The following GDF1 variants were observed in gnomAD, a reference collection of about 807,000 sequenced individuals.
The protein encoded by GDF1 is embryonic growth/differentiation factor 1.
A neutral mutation model predicts 7.4 loss-of-function variants in GDF1; 8 were observed. The ratio of observed to expected loss-of-function variants is 1.09; its 90% CI spans 0.64 to 1.96. The LOEUF (loss-of-function observed/expected upper bound fraction) is 1.96. Ranked by LOEUF, GDF1 falls within the 30% of genes most tolerant of loss-of-function variation. The pLI is 0.00. For synonymous variants in GDF1, 311 were observed against 276.7 expected (o/e 1.12, Z -1.23); for missense variants, 574 against 551.5 (o/e 1.04, Z -0.41).
In GDF1 at chr19:18,880,263, C is replaced by A; in HGVS notation, c.-571+11G>T. 6.5e-7 allele frequency: 1 copy of A among 1,545,784 alleles called. No individual in the cohort carries two copies. Among genetic ancestry groups the A allele is most frequent in the South Asian group, 1.2e-5 (1 of 83,398 alleles). On this transcript the variant is annotated intron_variant, in intron 4 of 7. Coordinates refer to ENST00000247005, the MANE Select transcript of GDF1 (RefSeq NM_001492.6). ...CACCTCCCTCCCTGCCCAGCACTCC[C>A]TACCACTCACCAGCTGAAGCCGAAG...
Position 18,869,139 on chromosome 19 carries a change from G to T in GDF1, c.577C>A (p.Pro193Thr). Residue 193 changes from proline (P) to threonine (T), a missense_variant, in exon 8 of 8, where the codon CCA becomes ACA. Pro to Thr is a conservative substitution (Grantham distance 38). Transcript: ENST00000247005. ...LRQLVPALGP[P>T]VRAELLGAAW... ...GCGCCCAGCAGCTCCGCGCGCACTGGCGGCCCCAGGGCGGGCACCAACTGG... is the reference window on the plus strand; with the variant it reads ...GCGCCCAGCAGCTCCGCGCGCACTGTCGGCCCCAGGGCGGGCACCAACTGG... The T allele has an allele frequency of 9.0e-7, 1 of 1,108,520 alleles. No individual in the cohort carries two copies. Among genetic ancestry groups the T allele is most frequent in the South Asian group, 3.3e-5 (1 of 30,686 alleles). The allele number at this position is 1,108,520 out of a possible 1,614,324, so 68.7% of individuals were successfully genotyped here. A position where few individuals can be genotyped will look rare whatever the true frequency, so the allele number is the denominator to read the frequency against.
intron 7 of GDF1, 133 bp downstream of exon 7, chr19:18,869,850 C>T (rs2055932236): frequency 4.7e-6 from 4 of 846,606 alleles, no homozygotes; most frequent in Admixed American, 2.1e-5. Context: ...GTGCGGTGGC[C>T]GAAGTTGCTA....
Position 18,880,234 on chromosome 19 carries a change from G to A in GDF1, c.-571+40C>T, listed in dbSNP as rs773188469. ...TTTCTGGACACACCCACCTCACCAG[G>A]CCACACCTCCCTCCCTGCCCAGCAC... On this transcript the variant is annotated intron_variant, in intron 4 of 7. Transcript: ENST00000247005. 14 of 1,512,858 alleles carry A rather than the reference G, an allele frequency of 9.3e-6. No individual in the cohort carries two copies. In the East Asian group the frequency reaches 2.2e-4, roughly 24 times the overall value. 93.7% of individuals were successfully genotyped at this position (1,512,858 alleles called of 1,614,324 possible). A position where few individuals can be genotyped will look rare whatever the true frequency, so the allele number is the denominator to read the frequency against.
At chr19:18,889,455 C>T (rs916604077) in intron 2 of GDF1, among the ~76,000 whole-genome samples, 2 of 152,056 alleles carry the variant, frequency 1.3e-5, no homozygotes, top group Non-Finnish European at 2.9e-5. Flanking sequence ...CTCACTCTGT[C>T]AACCTGGCTG....
intron 6 of GDF1, chr19:18,877,900 A>T: frequency 1.1e-6 from 1 of 931,870 alleles, no homozygotes; most frequent in African/African-American, 1.8e-5. Flanking sequence ...TACCAGCTCG[A>T]GCCAAAAGTC....
In GDF1 at chr19:18,878,762, G is replaced by A. The variant is rs1415446344; in HGVS notation, c.-313+168C>T. The A allele has an allele frequency of 6.3e-6, 9 of 1,437,624 alleles. No individual in the cohort carries two copies. Among genetic ancestry groups the A allele is most frequent in the Non-Finnish European group, 8.2e-6 (9 of 1,094,446 alleles). The allele number at this position is 1,437,624 out of a possible 1,614,324, so 89.1% of individuals were successfully genotyped here. On this transcript the variant is annotated intron_variant, in intron 6 of 7. Coordinates refer to ENST00000247005, the MANE Select transcript of GDF1 (RefSeq NM_001492.6). This position sits in a 1 kb window ranked among gnomAD's most constrained non-coding sequence, Gnocchi z 4.6. ...TCACTGTCCTGTCCTTCAGGGTACT[G>A]GCCACATCGTCCACGCCTTTATTGC... is the stretch of plus-strand genomic sequence containing the variant.
Position 18,869,930 on chromosome 19 carries a change from C to T in GDF1, c.325+53G>A, listed in dbSNP as rs1031934941. 36 of 1,517,982 alleles carry T rather than the reference C, an allele frequency of 2.4e-5. No individual in the cohort carries two copies. The African/African-American group carries it at 4.5e-4, about 19-fold the overall frequency. The allele number at this position is 1,517,982 out of a possible 1,614,324, so 94.0% of individuals were successfully genotyped here. A position where few individuals can be genotyped will look rare whatever the true frequency, so the allele number is the denominator to read the frequency against. On this transcript the variant is annotated intron_variant, in intron 7 of 7. Coordinates refer to ENST00000247005, the MANE Select transcript of GDF1 (RefSeq NM_001492.6). ...ATCCCCGGGCCACTCTCGAGGCTCG[C>T]CCTGCGAGGTCTGGCCTCCAGGACC... is the stretch of plus-strand genomic sequence containing the variant.
intron 1 of GDF1, among the ~76,000 whole-genome samples, chr19:18,894,578 G>A (rs2056579011): frequency 6.6e-6 from 1 of 152,130 alleles, no homozygotes; most frequent in Admixed American, 6.5e-5. Flanking sequence ...GTCCCGCAGG[G>A]GTGGGGGACG....
chr19:18,869,260 C>G lies in GDF1; in HGVS notation c.456G>C (p.Ala152=), dbSNP rs1181831989. The G allele has an allele frequency of 2.7e-6, 4 of 1,458,032 alleles. No homozygotes were observed. Among genetic ancestry groups the G allele is most frequent in the Middle Eastern group, 2.4e-4 (1 of 4,112 alleles). The allele number at this position is 1,458,032 out of a possible 1,614,324, so 90.3% of individuals were successfully genotyped here. ...PSRARLELRF[A]AAAAAAPEGG... is the part of the protein sequence containing the mutation. ...CCTCCGGGGCTGCCGCCGCCGCCGC[C>G]GCGAAACGCAGCTCCAGGCGGGCCC... Residue 152 remains alanine (A), a synonymous_variant, in exon 8 of 8, where the codon GCG becomes GCC. Coordinates refer to ENST00000247005, the MANE Select transcript of GDF1 (RefSeq NM_001492.6).
At chr19:18,875,783 A>G (rs2056050292) in intron 6 of GDF1, among the ~76,000 whole-genome samples, 1 of 152,162 alleles carries the variant, frequency 6.6e-6, no homozygotes, top group Admixed American at 6.6e-5. Flanking sequence ...GAGAAGAGAG[A>G]CAGAAAAGAA....
At chr19:18,886,287 C>T (rs370192977) in intron 2 of GDF1, among the ~76,000 whole-genome samples, 16 of 152,004 alleles carry the variant, frequency 1.1e-4, no homozygotes, top group African/African-American at 2.7e-4. Context: ...CAGTGGCTCA[C>T]GCCTGTAATC....
chr19:18,885,589 G>A (rs1490510630), intron 2 of GDF1, among the ~76,000 whole-genome samples: 1 of 146,172 alleles, frequency 6.8e-6, no homozygotes, highest in Admixed American at 7.0e-5. Context: ...GCGGGATCTC[G>A]GCTCACTGCA....
At position 18,896,090 on chromosome 19, in the gene GDF1, C is replaced by A; in HGVS notation, c.-1340G>T. On this transcript the variant is annotated 5_prime_UTR_variant, in exon 1 of 8. Coordinates refer to ENST00000247005, the MANE Select transcript of GDF1 (RefSeq NM_001492.6). This position sits in a 1 kb window ranked among gnomAD's most constrained non-coding sequence, Gnocchi z 5.9. ...GCCGCCATACCGCCCGCTCGCCCGC[C>A]GTGCCCGTCGCCTGCGCCCGCCCGC... 1.1e-6 allele frequency: 1 copy of A among 930,856 alleles called. No homozygotes were observed. Among genetic ancestry groups the A allele is most frequent in the South Asian group, 4.8e-5 (1 of 20,792 alleles). The allele number at this position is 930,856 out of a possible 1,614,324, so 57.7% of individuals were successfully genotyped here.
At chr19:18,874,951 G>A (rs548490153) in intron 6 of GDF1, among the ~76,000 whole-genome samples, 9 of 152,270 alleles carry the variant, frequency 5.9e-5, no homozygotes, top group East Asian at 3.9e-4. Context: ...TTGAATTTTC[G>A]GAACCAGGCA....
At chr19:18,875,308 G>C (rs1395809988) in intron 6 of GDF1, among the ~76,000 whole-genome samples, 1 of 151,896 alleles carries the variant, frequency 6.6e-6, no homozygotes, top group Non-Finnish European at 1.5e-5. Flanking sequence ...CAATTTGGGA[G>C]GCTGAGGCAG....
chr19:18,873,689 A>G (rs1386757760), intron 6 of GDF1, among the ~76,000 whole-genome samples: 2 of 150,744 alleles, frequency 1.3e-5, no homozygotes, highest in Non-Finnish European at 3.0e-5. Flanking sequence ...AAAAAATACA[A>G]CTATTAGCCA....
intron 6 of GDF1, among the ~76,000 whole-genome samples, chr19:18,871,970 G>T (rs899653334): frequency 3.3e-5 from 5 of 152,212 alleles, no homozygotes; most frequent in African/African-American, 1.2e-4. Flanking sequence ...TAAGGTGGGG[G>T]TTTGCCCTAA....
Position 18,870,318 on chromosome 19 carries a change from G to T in GDF1, c.-11C>A. 1 of 1,545,222 alleles carries T rather than the reference G, an allele frequency of 6.5e-7. No homozygotes were observed. On this transcript the variant is annotated 5_prime_UTR_variant, in exon 7 of 8. In the 5' UTR this introduces an upstream ATG that the reference lacks. Coordinates refer to ENST00000247005, the MANE Select transcript of GDF1 (RefSeq NM_001492.6). The surrounding 1 kb of genome is among the most constrained non-coding windows in gnomAD (Gnocchi z 5.1). ...CTGCGGCGGTGGCATCTTCCTCCCA[G>T]GCGATGACCAGAGAGTGCGCAGGGT...
At chr19:18,872,478 G>T (rs2055989197) in intron 6 of GDF1, among the ~76,000 whole-genome samples, 1 of 151,682 alleles carries the variant, frequency 6.6e-6, no homozygotes, top group African/African-American at 2.4e-5. Flanking sequence ...CTCCCCAGTA[G>T]CTGGGACTAC....
Sources: gnomAD v4.1 joint callset for allele counts (sites outside exome capture counted in the v4.1 genomes callset) on GRCh38, gnomAD v4.1.1 for gene constraint, Gnocchi (gnomAD v3.1) non-coding constraint, MANE v1.5 for transcripts, NCBI Gene and HGNC (gene_info 2026-07-23, HGNC 2026-07-21) for gene names.